The following PHF21B variants were observed in gnomAD, a reference collection of about 807,000 sequenced individuals.
PHF21B encodes PHD finger protein 4.
A neutral mutation model predicts 62.2 loss-of-function variants in PHF21B; 22 were observed. The observed-to-expected ratio is 0.35, with a 90% CI of 0.25 to 0.51. The LOEUF (loss-of-function observed/expected upper bound fraction) is 0.51. PHF21B is among the 20% of genes least tolerant of loss of function. The probability of loss-of-function intolerance (pLI) is 0.97; values close to 1 mark genes in which losing one functional copy is unlikely to be tolerated. For synonymous variants in PHF21B, 341 were observed against 314.7 expected, an observed-to-expected ratio of 1.08 and a Z score of -0.88; for missense variants, 701 against 707.9, an observed-to-expected ratio of 0.99 and a Z score of 0.11.
At chr22:44,920,537 A>G in intron 2 of PHF21B, 47 bp from the exon 3 acceptor site, 1 of 1,482,354 alleles carries the variant, frequency 6.7e-7, no homozygotes. Flanking sequence ...AGCAGCTGAG[A>G]CCGAATCCGT....
intron 8 of PHF21B, among the ~76,000 whole-genome samples, chr22:44,890,788 T>C (rs1462801104): frequency 2.0e-5 from 3 of 152,254 alleles, no homozygotes; most frequent in Admixed American, 6.5e-5. Context: ...CCTGAAGATC[T>C]GGCCCAATGC....
intron 2 of PHF21B, among the ~76,000 whole-genome samples, chr22:44,921,929 G>A (rs1209521837): frequency 6.6e-6 from 1 of 152,168 alleles, no homozygotes; most frequent in Non-Finnish European, 1.5e-5. Context: ...AAAGTGCTGG[G>A]ATTATAGGCA....
chr22:44,950,762 C>T (rs983588369), intron 2 of PHF21B, among the ~76,000 whole-genome samples: 2 of 152,196 alleles, frequency 1.3e-5, no homozygotes, highest in Admixed American at 6.5e-5. Context: ...AAGCAGGGCT[C>T]TTGCTGTTTC....
At position 44,882,767 on chromosome 22, in the gene PHF21B, A is replaced by C; in HGVS notation, c.*319T>G. On this transcript the variant is annotated 3_prime_UTR_variant, in exon 13 of 13. Transcript: ENST00000313237. ...TCAGCCTGCCCCTCCAACGGGCCAGAGGGAGGCCGTGGAGAGCAGGGCCTG... is the reference window on the plus strand; with the variant it reads ...TCAGCCTGCCCCTCCAACGGGCCAGCGGGAGGCCGTGGAGAGCAGGGCCTG... 3.4e-6 allele frequency: 1 copy of C among 296,260 alleles called. No homozygotes were observed. The highest frequency in any genetic ancestry group is 6.3e-6 in the Non-Finnish European group (1 of 159,064). 18.4% of individuals were successfully genotyped at this position (296,260 alleles called of 1,614,324 possible). A position where few individuals can be genotyped will look rare whatever the true frequency, so the allele number is the denominator to read the frequency against.
intron 1 of PHF21B, chr22:45,008,932 A>C: frequency 1.8e-6 from 2 of 1,098,636 alleles, no homozygotes; most frequent in Non-Finnish European, 2.2e-6. Flanking sequence ...GTGCCGGGGG[A>C]GGGGGGAGGA....
Position 45,007,268 on chromosome 22 carries a change from T to G in PHF21B, c.120+1277A>C, listed in dbSNP as rs2073334180. On this transcript the variant is annotated intron_variant, in intron 2 of 12. Coordinates refer to ENST00000313237, the MANE Select transcript of PHF21B (RefSeq NM_138415.5). ...CTCGCGCACGCCCCCTCCCATCACTTTTTAACTTTAAAGACTCGACACGAA... is the reference window on the plus strand; with the variant it reads ...CTCGCGCACGCCCCCTCCCATCACTGTTTAACTTTAAAGACTCGACACGAA... Among the ~76,000 whole-genome samples, 6 of 151,990 alleles carry G rather than the reference T, an allele frequency of 3.9e-5. No homozygotes were observed. The South Asian group carries it at 1.2e-3, about 31-fold the overall frequency.
intron 2 of PHF21B, among the ~76,000 whole-genome samples, chr22:44,949,318 A>AAAAAAAAAG (rs1569248310): frequency 7.6e-5 from 11 of 144,870 alleles, no homozygotes; most frequent in African/African-American, 1.3e-4. Context: ...AAGAAAAAAA[A>AAAAAAAAAG]AAAAAAAGAA....
chr22:44,916,498 C>A lies in PHF21B; in HGVS notation c.346G>T (p.Ala116Ser). The A allele has an allele frequency of 8.7e-6, 12 of 1,377,692 alleles. No individual in the cohort carries two copies. The highest frequency in any genetic ancestry group is 1.2e-5 in the Non-Finnish European group (12 of 1,014,334). The allele number at this position is 1,377,692 out of a possible 1,614,324, so 85.3% of individuals were successfully genotyped here. A position where few individuals can be genotyped will look rare whatever the true frequency, so the allele number is the denominator to read the frequency against. The change falls in exon 4 of 13, where the codon GCC becomes TCC. Residue 116 changes from alanine to serine, a missense_variant. Ala to Ser is a moderately conservative substitution (Grantham distance 99, BLOSUM62 1). Transcript: ENST00000313237. ...GGCACATGGCTGACAGTGTTGTTGG[C>A]GGTGGGGAGGGCTGGGCTGGGGTTC... ...VKNPSPALPT[A>S]NNTVSHVPAP...
At chr22:44,945,678 C>T (rs1048352416) in intron 2 of PHF21B, among the ~76,000 whole-genome samples, 1 of 151,042 alleles carries the variant, frequency 6.6e-6, no homozygotes, top group Non-Finnish European at 1.5e-5. Flanking sequence ...CATCTTCCAG[C>T]ACCTGACCAG....
At chr22:45,003,529 G>C (rs1437902935) in intron 2 of PHF21B, 1 of 152,378 alleles carries the variant, frequency 6.6e-6, no homozygotes, top group African/African-American at 2.4e-5. Context: ...AGCTTCTGGG[G>C]CAGAGGCCGA....
chr22:45,003,280 G>T (rs1254315383), intron 2 of PHF21B: 1 of 152,332 alleles, frequency 6.6e-6, no homozygotes, highest in African/African-American at 2.4e-5. Context: ...GAGCTCAGCA[G>T]GCACCCCTCA....
chr22:44,976,663 C>CGG (rs771302656), intron 2 of PHF21B, among the ~76,000 whole-genome samples: 70 of 152,322 alleles, frequency 4.6e-4, no homozygotes, highest in Middle Eastern at 3.4e-3. Context: ...AAGGACAGCC[C>CGG]AGACCCATCT....
chr22:44,961,845 A>AAAATAAATAAAT (rs142030912), intron 2 of PHF21B, among the ~76,000 whole-genome samples: 45 of 144,318 alleles, frequency 3.1e-4, no homozygotes, highest in Admixed American at 1.1e-3. Flanking sequence ...ACTCTGTCTC[A>AAAATAAATAAAT]AAATAAATAA....
At chr22:44,941,722 G>A (rs1601623657) in intron 2 of PHF21B, among the ~76,000 whole-genome samples, 2 of 152,326 alleles carry the variant, frequency 1.3e-5, no homozygotes, top group East Asian at 3.9e-4. Context: ...GCTGGGCAGG[G>A]GGATACGGCG....
chr22:44,950,508 GCT>G (rs939714382), intron 2 of PHF21B, among the ~76,000 whole-genome samples: 22 of 152,210 alleles, frequency 1.4e-4, no homozygotes, highest in African/African-American at 4.3e-4. Flanking sequence ...TAAGAGTGAC[GCT>G]CTCAGTGCAG....
chr22:44,951,760 T>G lies in PHF21B; in HGVS notation c.121-31270A>C, dbSNP rs551438945. The stretch of plus-strand genomic sequence containing the variant: ...CTAATGCTGAACACCTTTTTTTTGG[T>G]GAGTCAGGCACTCATTTTTTTGGGT... On this transcript the variant is annotated intron_variant, in intron 2 of 12. Transcript: ENST00000313237. Among the ~76,000 whole-genome samples, 46 of 152,330 alleles carry G rather than the reference T, an allele frequency of 3.0e-4. 1 individual carries two copies. In the South Asian group the frequency reaches 9.3e-3, roughly 31 times the overall value.
intron 2 of PHF21B, among the ~76,000 whole-genome samples, chr22:44,926,343 C>T (rs376709154): frequency 1.3e-5 from 2 of 152,348 alleles, no homozygotes; most frequent in African/African-American, 2.4e-5. Context: ...CGTGGGGCCC[C>T]GGGGAGGAGA....
At chr22:44,940,842 G>A (rs1422248162) in intron 2 of PHF21B, among the ~76,000 whole-genome samples, 1 of 152,204 alleles carries the variant, frequency 6.6e-6, no homozygotes, top group African/African-American at 2.4e-5. Flanking sequence ...ATGGATACAG[G>A]GGAAGGGTGC....
intron 2 of PHF21B, among the ~76,000 whole-genome samples, chr22:44,933,169 C>A (rs2071776290): frequency 1.3e-5 from 2 of 150,676 alleles, no homozygotes; most frequent in Non-Finnish European, 2.9e-5. Flanking sequence ...CTGGAGTGCA[C>A]TGGCACATCT....
Sources: allele counts gnomAD v4.1 joint callset (sites outside exome capture counted in the v4.1 genomes callset), GRCh38; gene constraint gnomAD v4.1.1; transcripts MANE v1.5; gene names NCBI Gene and HGNC (gene_info 2026-07-23, HGNC 2026-07-21).